RGS20: variants seen among roughly 807,000 people sequenced by gnomAD.
RGS20 encodes the protein gz-selective GTPase-activating protein.
A neutral mutation model predicts 33.6 loss-of-function variants in RGS20; 30 were observed. The ratio of observed to expected loss-of-function variants is 0.89; its 90% CI spans 0.67 to 1.21. The LOEUF (loss-of-function observed/expected upper bound fraction) is 1.21, where lower values mean the gene tolerates loss of function less well. RGS20 is among the 50% of genes most tolerant of loss of function. RGS20 has a pLI of 0.00. For missense variants in RGS20, 472 were observed against 502.4 expected (o/e 0.94, Z 0.58); for synonymous variants, 208 against 197.9 (o/e 1.05, Z -0.43).
intron 2 of RGS20, among the ~76,000 whole-genome samples, chr8:53,909,228 T>A (rs1216300958): frequency 8.0e-6 from 1 of 125,518 alleles, no homozygotes; most frequent in African/African-American, 3.3e-5. Context: ...TATATATATA[T>A]ATATATATAT....
At chr8:53,887,143 G>T in intron 2 of RGS20, 1 of 163,666 alleles carries the variant, frequency 6.1e-6, no homozygotes, top group Non-Finnish European at 1.3e-5. Flanking sequence ...CACTAATTCT[G>T]CCATTTTCAT....
intron 2 of RGS20, among the ~76,000 whole-genome samples, chr8:53,882,236 T>C (rs1038163026): frequency 5.9e-5 from 9 of 152,032 alleles, no homozygotes; most frequent in African/African-American, 2.2e-4. Flanking sequence ...AGGGGGTCTA[T>C]AGGCGCCGCG....
At chr8:53,948,182 T>G (rs1400978532) in intron 4 of RGS20, among the ~76,000 whole-genome samples, 1 of 132,572 alleles carries the variant, frequency 7.5e-6, no homozygotes, top group African/African-American at 2.6e-5. Context: ...ATATATGATA[T>G]AGTATATATA....
chr8:53,897,925 G>A (rs1812912795), intron 2 of RGS20, among the ~76,000 whole-genome samples: 1 of 152,206 alleles, frequency 6.6e-6, no homozygotes, highest in African/African-American at 2.4e-5. Flanking sequence ...CAGAGCGGCT[G>A]ATAGGTCCAA....
chr8:53,917,497 CTTATA>C (rs1464929056), intron 2 of RGS20, among the ~76,000 whole-genome samples: 1 of 152,164 alleles, frequency 6.6e-6, no homozygotes, highest in Admixed American at 6.5e-5. Context: ...CTCCATTTTC[CTTATA>C]TTAAACTCCT....
At position 53,933,388 on chromosome 8, in the gene RGS20, G is replaced by A. The variant is rs545739672; in HGVS notation, c.511-6188G>A. 1.3e-3 allele frequency among the ~76,000 whole-genome samples: 199 copies of A among 152,194 alleles called. 1 individual carries two copies. The highest frequency in any genetic ancestry group is 4.7e-3 in the African/African-American group (196 of 41,520). Reference sequence around the variant, plus strand: ...AAAAGATTAGAGGAATTGCTATCTAGAATAACCATTTTAGAGAAGAATATA... The same window carrying A: ...AAAAGATTAGAGGAATTGCTATCTAAAATAACCATTTTAGAGAAGAATATA... On this transcript the variant is annotated intron_variant, in intron 2 of 5. Transcript: ENST00000297313.
At chr8:53,857,576 T>C (rs1018877527) in intron 1 of RGS20, among the ~76,000 whole-genome samples, 4 of 152,222 alleles carry the variant, frequency 2.6e-5, no homozygotes, top group Non-Finnish European at 4.4e-5. Flanking sequence ...TAAATTTTAG[T>C]GATCTATTCT....
chr8:53,870,821 T>A (rs1460987427), intron 1 of RGS20, among the ~76,000 whole-genome samples: 1 of 151,994 alleles, frequency 6.6e-6, no homozygotes, highest in East Asian at 1.9e-4. Flanking sequence ...ACTTCAAAAT[T>A]AGCAATATAG....
rs1264296262 is a variant in RGS20 at position 53,946,737 on chromosome 8, C to A, written c.732C>A (p.Thr244=). The A allele has an allele frequency of 1.9e-6, 3 of 1,612,510 alleles. No homozygotes were observed. The highest frequency in any genetic ancestry group is 2.5e-6 in the Non-Finnish European group (3 of 1,179,200). Reference sequence around the variant, plus strand: ...ACGAACTCAGAGCAGATCTTCCAACCTGGGAAGAAAGGTGAAATCACACGT... The same window carrying A: ...ACGAACTCAGAGCAGATCTTCCAACATGGGAAGAAAGGTGAAATCACACGT... The change falls in exon 4 of 6, where the codon ACC becomes ACA. Residue 244 remains threonine (T), a synonymous_variant. Transcript: ENST00000297313.
At position 53,884,073 on chromosome 8, in the gene RGS20, G is replaced by A. The variant is rs552550992; in HGVS notation, c.510+4471G>A. On this transcript the variant is annotated intron_variant, in intron 2 of 5. Coordinates refer to ENST00000297313, the MANE Select transcript of RGS20 (RefSeq NM_170587.4). ...CTGTTATTACTATTATTATATTGAT[G>A]CTAAATTGGCTAGACTTCAAACTAT... Among the ~76,000 whole-genome samples, 7 of 151,854 alleles carry A rather than the reference G, an allele frequency of 4.6e-5. No homozygotes were observed. The South Asian group carries it at 1.5e-3, about 32-fold the overall frequency.
At chr8:53,862,924 G>A (rs535175643) in intron 1 of RGS20, among the ~76,000 whole-genome samples, 3 of 152,280 alleles carry the variant, frequency 2.0e-5, no homozygotes, top group South Asian at 2.1e-4. Flanking sequence ...AAGGGGAGGG[G>A]GAAATAATGC....
At chr8:53,862,120 C>T (rs995759457) in intron 1 of RGS20, among the ~76,000 whole-genome samples, 3 of 152,028 alleles carry the variant, frequency 2.0e-5, no homozygotes, top group Admixed American at 1.3e-4. Context: ...GAGAAGTTTG[C>T]CTCCCCTCTC....
chr8:53,912,664 A>C (rs1585914284), intron 2 of RGS20, among the ~76,000 whole-genome samples: 2 of 152,060 alleles, frequency 1.3e-5, no homozygotes, highest in Non-Finnish European at 2.9e-5. Context: ...AGGTGATTTT[A>C]TTTGTGTATA....
At chr8:53,918,697 C>T (rs993791521) in intron 2 of RGS20, among the ~76,000 whole-genome samples, 1 of 152,174 alleles carries the variant, frequency 6.6e-6, no homozygotes, top group African/African-American at 2.4e-5. Context: ...CTTCACTTAA[C>T]ATATTTTCAA....
At chr8:53,956,524 C>T (rs555588338) in intron 5 of RGS20, among the ~76,000 whole-genome samples, 337 of 152,214 alleles carry the variant, frequency 2.2e-3, no homozygotes, top group Non-Finnish European at 3.6e-3. Context: ...CTAGCTAGGC[C>T]AGCTGAAGAC....
In RGS20 at chr8:53,924,477, C is replaced by T. The variant is rs1008492806; in HGVS notation, c.511-15099C>T. 7.9e-5 allele frequency among the ~76,000 whole-genome samples: 12 copies of T among 152,104 alleles called. No homozygotes were observed. In the East Asian group the frequency reaches 2.3e-3, roughly 30 times the overall value. On this transcript the variant is annotated intron_variant, in intron 2 of 5. Transcript: ENST00000297313. Reference sequence around the variant, plus strand: ...TGCTAGGATTACAGGCGTGAGCCACCGTGCCTGGACTAGTTTTTTAATTTT... The same window carrying T: ...TGCTAGGATTACAGGCGTGAGCCACTGTGCCTGGACTAGTTTTTTAATTTT...
rs374615831 is a variant in RGS20, at chr8:53,939,566, C to T, written c.511-10C>T. On this transcript the variant is annotated splice_polypyrimidine_tract_variant and intron_variant, in intron 2 of 5. Coordinates refer to ENST00000297313, the MANE Select transcript of RGS20 (RefSeq NM_170587.4). ...CCCTCCCGCCCGCTTTGTTCCTCTC[C>T]CTCTTGCAGCAGATGGGATCAGAGC... is the stretch of plus-strand genomic sequence containing the variant. 4.6e-6 allele frequency: 7 copies of T among 1,532,828 alleles called. No individual in the cohort carries two copies. Among genetic ancestry groups the T allele is most frequent in the African/African-American group, 1.4e-5 (1 of 72,448 alleles). The allele number at this position is 1,532,828 out of a possible 1,614,324, so 95.0% of individuals were successfully genotyped here.
intron 1 of RGS20, among the ~76,000 whole-genome samples, chr8:53,857,752 A>G (rs1585857885): frequency 6.6e-6 from 1 of 152,374 alleles, no homozygotes; most frequent in South Asian, 2.1e-4. Flanking sequence ...ATGCCAAGCC[A>G]GTAAATATAA....
chr8:53,895,690 G>A (rs1051465881), intron 2 of RGS20, among the ~76,000 whole-genome samples: 1 of 150,906 alleles, frequency 6.6e-6, no homozygotes, highest in Non-Finnish European at 1.5e-5. Flanking sequence ...TGTTGCCCAG[G>A]CTGGAGTGCA....
Sources: allele counts gnomAD v4.1 joint callset (sites outside exome capture counted in the v4.1 genomes callset), GRCh38; gene constraint gnomAD v4.1.1; transcripts MANE v1.5; gene names NCBI Gene and HGNC (gene_info 2026-07-23, HGNC 2026-07-21).